TLN2: variants seen among roughly 807,000 people sequenced by gnomAD.
TLN2 encodes the protein talin 2, also known as talin-2.
A neutral mutation model predicts 294.7 loss-of-function variants in TLN2; 118 were observed. The observed-to-expected ratio is 0.40, with a 90% CI of 0.34 to 0.47. TLN2 has a LOEUF of 0.47. Ranked by LOEUF, TLN2 falls within the 20% of genes least tolerant of loss-of-function variation. TLN2 has a pLI of 0.84. For missense variants in TLN2, 3,083 were observed against 3,282.2 expected, an observed-to-expected ratio of 0.94 and a Z score of 1.48; for synonymous variants, 1,431 against 1,304.5, an observed-to-expected ratio of 1.10 and a Z score of -2.09.
intron 1 of TLN2, among the ~76,000 whole-genome samples, chr15:62,480,304 C>T (rs191499620): frequency 5.8e-4 from 88 of 152,304 alleles, no homozygotes; most frequent in African/African-American, 2.1e-3. Context: ...ACCTCTGCCT[C>T]CTGGGTTCAA....
At chr15:62,839,065 A>G (rs1478197051) in intron 58 of TLN2, 84 bp downstream of exon 58, 2 of 1,520,476 alleles carry the variant, frequency 1.3e-6, no homozygotes, top group Non-Finnish European at 8.9e-7. Context: ...TGACTTCAAG[A>G]TGAAAGTTTA....
At chr15:62,663,740 A>G (rs991944078) in intron 9 of TLN2, among the ~76,000 whole-genome samples, 4 of 152,046 alleles carry the variant, frequency 2.6e-5, no homozygotes, top group Admixed American at 6.5e-5. Context: ...GATCTCACCA[A>G]TAAAATGATA....
At chr15:62,405,435 C>T (rs948039600) in intron 1 of TLN2, among the ~76,000 whole-genome samples, 3 of 152,194 alleles carry the variant, frequency 2.0e-5, no homozygotes, top group Admixed American at 6.5e-5. Context: ...CTGACTGTGT[C>T]GCAGTTTGCT....
chr15:62,634,962 G>A (rs1285886522), intron 3 of TLN2, among the ~76,000 whole-genome samples: 1 of 152,128 alleles, frequency 6.6e-6, no homozygotes, highest in African/African-American at 2.4e-5. Context: ...CTAGTTTATT[G>A]TCTATGCTAG....
chr15:62,408,790 C>A (rs1395610236), intron 1 of TLN2, among the ~76,000 whole-genome samples: 1 of 151,914 alleles, frequency 6.6e-6, no homozygotes, highest in Non-Finnish European at 1.5e-5. Context: ...TTGTATGGTC[C>A]AAGAATTTGT....
chr15:62,826,569 G>A (rs2068219173), intron 54 of TLN2, among the ~76,000 whole-genome samples: 2 of 152,192 alleles, frequency 1.3e-5, no homozygotes, highest in South Asian at 4.1e-4. Flanking sequence ...TGGCAGTCCT[G>A]AAGCCACCCC....
In TLN2 at chr15:62,796,293, G is replaced by A. The variant is rs2065471163; in HGVS notation, c.6050G>A (p.Arg2017Lys). 1.2e-6 allele frequency: 2 copies of A among 1,611,894 alleles called. No homozygotes were observed. Among genetic ancestry groups the A allele is most frequent in the South Asian group, 2.2e-5 (2 of 90,670 alleles). The change falls in exon 47 of 59, where the codon AGG (arginine) becomes AAG (lysine). Residue 2017 changes from arginine to lysine, a missense_variant and splice_region_variant. Coordinates refer to ENST00000636159, the MANE Select transcript of TLN2 (RefSeq NM_015059.3). ...AACAGTGAGACCTTCGCAGACCACAGGTACGTGGGGGTCCTGGACGGGGAG... is the reference window on the plus strand; with the variant it reads ...AACAGTGAGACCTTCGCAGACCACAAGTACGTGGGGGTCCTGGACGGGGAG... ...AENSETFADH[R>K]ENILKTAKAL... is the part of the protein sequence containing the mutation.
chr15:62,521,341 CA>C (rs971825740), intron 1 of TLN2, among the ~76,000 whole-genome samples: 4 of 151,942 alleles, frequency 2.6e-5, no homozygotes, highest in Non-Finnish European at 5.9e-5. Context: ...TGTTGTTAAC[CA>C]AAAAACCTAA....
chr15:62,563,505 G>A (rs540108258), intron 1 of TLN2, among the ~76,000 whole-genome samples: 36 of 152,178 alleles, frequency 2.4e-4, no homozygotes, highest in Non-Finnish European at 4.3e-4. Context: ...TTTGTCAGAT[G>A]TATAGACTGT....
intron 1 of TLN2, among the ~76,000 whole-genome samples, chr15:62,419,022 A>G (rs1009820571): frequency 6.6e-6 from 1 of 152,232 alleles, no homozygotes; most frequent in African/African-American, 2.4e-5. Context: ...TATGTGAATC[A>G]GCTTTTTCAG....
chr15:62,747,993 G>A (rs1397507386), intron 32 of TLN2, among the ~76,000 whole-genome samples: 4 of 152,130 alleles, frequency 2.6e-5, no homozygotes, highest in African/African-American at 4.8e-5. Flanking sequence ...GGTGGCAGAG[G>A]TGGAAGAGGT....
At chr15:62,742,730 A>C (rs1230296499) in intron 32 of TLN2, among the ~76,000 whole-genome samples, 1 of 152,190 alleles carries the variant, frequency 6.6e-6, no homozygotes, top group Non-Finnish European at 1.5e-5. Context: ...CTTAAAAATC[A>C]TCACATGAAA....
intron 3 of TLN2, among the ~76,000 whole-genome samples, chr15:62,643,032 A>G (rs1253021631): frequency 6.6e-6 from 1 of 152,094 alleles, no homozygotes; most frequent in Non-Finnish European, 1.5e-5. Context: ...CTATAGGGTA[A>G]GTCATAGTAC....
chr15:62,655,600 G>C lies in TLN2; in HGVS notation c.518-344G>C, dbSNP rs2053124185. Reference sequence around the variant, plus strand: ...ATTCATTGTAGCACATGTCACCGTGGGTTGGCTGGCACTGTCCCCTGCTCC... The same window carrying C: ...ATTCATTGTAGCACATGTCACCGTGCGTTGGCTGGCACTGTCCCCTGCTCC... On this transcript the variant is annotated intron_variant, in intron 7 of 58. Transcript: ENST00000636159. 0.057 allele frequency among the ~76,000 whole-genome samples: 57 copies of C among 998 alleles called. 28 individuals carry two copies. In the Non-Finnish European group the frequency reaches 0.63, roughly 11 times the overall value. The allele number at this position is 998 out of a possible 152,430, so 0.7% of individuals were successfully genotyped here. A position where few individuals can be genotyped will look rare whatever the true frequency, so the allele number is the denominator to read the frequency against.
At chr15:62,533,436 T>C (rs2041164514) in intron 1 of TLN2, among the ~76,000 whole-genome samples, 1 of 151,864 alleles carries the variant, frequency 6.6e-6, no homozygotes, top group Non-Finnish European at 1.5e-5. Flanking sequence ...CCCTCAACAG[T>C]GATCTGTCTG....
intron 3 of TLN2, among the ~76,000 whole-genome samples, chr15:62,629,846 A>G (rs1028778617): frequency 2.0e-5 from 3 of 152,246 alleles, no homozygotes; most frequent in Admixed American, 6.5e-5. Flanking sequence ...CCCAGGCAGC[A>G]GTTAAAATTG....
chr15:62,775,685 T>C (rs1169135617), intron 42 of TLN2, among the ~76,000 whole-genome samples: 3 of 152,252 alleles, frequency 2.0e-5, no homozygotes, highest in Non-Finnish European at 4.4e-5. Context: ...TTCCACTGGC[T>C]TCTTTACCTT....
chr15:62,570,331 T>A (rs940874351), intron 1 of TLN2, among the ~76,000 whole-genome samples: 6 of 152,212 alleles, frequency 3.9e-5, no homozygotes, highest in Admixed American at 1.3e-4. Context: ...TTGGTAAACA[T>A]GGCCGTTGGA....
rs182917457 is a variant in TLN2, at chr15:62,768,793, G to A, written c.5197-2171G>A. Among the ~76,000 whole-genome samples, 5 of 152,338 alleles carry A rather than the reference G, an allele frequency of 3.3e-5. No homozygotes were observed. The East Asian group carries it at 9.6e-4, about 29-fold the overall frequency. Reference sequence around the variant, plus strand: ...AAAAAGCTTTGCCTGTAATATGTGAGCACCTAGCCTTTACTGAGTACTTCC... The same window carrying A: ...AAAAAGCTTTGCCTGTAATATGTGAACACCTAGCCTTTACTGAGTACTTCC... On this transcript the variant is annotated intron_variant, in intron 41 of 58. Transcript: ENST00000636159.
Sources: allele counts gnomAD v4.1 joint callset (sites outside exome capture counted in the v4.1 genomes callset), GRCh38; gene constraint gnomAD v4.1.1; transcripts MANE v1.5; gene names NCBI Gene and HGNC (gene_info 2026-07-23, HGNC 2026-07-21).